The following CCL28 variants were observed in gnomAD, a reference collection of about 807,000 sequenced individuals.
The protein encoded by CCL28 is C-C motif chemokine 28.
CCL28 carries 4 observed loss-of-function variants against 7.1 expected under a neutral mutation model. That is an observed-to-expected ratio of 0.56 (90% confidence interval 0.28 to 1.29). The LOEUF is 1.29. Among genes scored for constraint, CCL28 ranks in the 50% most tolerant of loss-of-function variants. The pLI, the probability that CCL28 is intolerant of heterozygous loss-of-function variation, is 0.11. For missense variants in CCL28, 151 were observed against 163.4 expected, an observed-to-expected ratio of 0.92 and a Z score of 0.41; for synonymous variants, 55 against 57.8, an observed-to-expected ratio of 0.95 and a Z score of 0.22.
chr5:43,395,972 C>T (rs1428748598), intron 1 of CCL28, among the ~76,000 whole-genome samples: 2 of 150,402 alleles, frequency 1.3e-5, no homozygotes, highest in African/African-American at 4.9e-5. Flanking sequence ...CCCAGGTTCA[C>T]GCCATTCTCC....
chr5:43,368,729 G>A, the CCL28 span, among the ~76,000 whole-genome samples: 3 of 152,198 alleles, frequency 2.0e-5, no homozygotes, highest in East Asian at 5.8e-4. Context: ...CACAGAAATG[G>A]ACACATGTTG....
intron 1 of CCL28, among the ~76,000 whole-genome samples, chr5:43,404,242 T>TAAG (rs1388922192): frequency 3.9e-5 from 6 of 152,156 alleles, no homozygotes; most frequent in Non-Finnish European, 8.8e-5. Context: ...GAAAAAATGT[T>TAAG]AAGGGCAGCC....
chr5:43,404,324 A>C (rs1327833497), intron 1 of CCL28, among the ~76,000 whole-genome samples: 1 of 152,222 alleles, frequency 6.6e-6, no homozygotes, highest in Non-Finnish European at 1.5e-5. Context: ...CAGAAACTCT[A>C]CAAGCCAGAA....
downstream of CCL28, among the ~76,000 whole-genome samples, chr5:43,371,714 A>C (rs578045390): frequency 9.2e-5 from 14 of 152,240 alleles, no homozygotes; most frequent in African/African-American, 2.6e-4. Flanking sequence ...CAGCTGAGCC[A>C]CTCCCAAATT....
At chr5:43,402,999 A>G (rs1307740348) in intron 1 of CCL28, among the ~76,000 whole-genome samples, 1 of 152,180 alleles carries the variant, frequency 6.6e-6, no homozygotes, top group Non-Finnish European at 1.5e-5. Context: ...GAATAGGTAA[A>G]CAAAATGGCC....
At chr5:43,402,325 T>C (rs1349652477) in intron 1 of CCL28, among the ~76,000 whole-genome samples, 1 of 152,200 alleles carries the variant, frequency 6.6e-6, no homozygotes, top group Non-Finnish European at 1.5e-5. Flanking sequence ...TTCTGTCTCC[T>C]AATAGGACCT....
rs188104422 is a variant in CCL28 at position 43,405,724 on chromosome 5, G to C, written c.64+6529C>G. Among the ~76,000 whole-genome samples, 49 of 150,832 alleles carry C rather than the reference G, an allele frequency of 3.2e-4. 1 individual carries two copies. The highest frequency in any genetic ancestry group is 3.4e-3 in the Middle Eastern group (1 of 294). On this transcript the variant is annotated intron_variant, in intron 1 of 2. Transcript: ENST00000361115. ...AATCCAGGAGCTGGTTTTTTGAAAA[G>C]ATCAACAAAATTGATAGACCACTAG...
intron 1 of CCL28, among the ~76,000 whole-genome samples, chr5:43,409,552 T>G (rs888885507): frequency 1.3e-5 from 2 of 151,986 alleles, no homozygotes; most frequent in Admixed American, 1.3e-4. Context: ...GAGTCACAAA[T>G]GTATATTCGT....
intron 2 of CCL28, among the ~76,000 whole-genome samples, chr5:43,385,038 A>C (rs1740280622): frequency 6.6e-6 from 1 of 152,052 alleles, no homozygotes; most frequent in African/African-American, 2.4e-5. Flanking sequence ...CTGGGACTAC[A>C]GGTGCCTGCC....
chr5:43,404,265 C>T (rs1329976731), intron 1 of CCL28, among the ~76,000 whole-genome samples: 6 of 152,176 alleles, frequency 3.9e-5, no homozygotes, highest in Middle Eastern at 3.2e-3. Context: ...AGAGAAAGGT[C>T]GGGTTACCCA....
At chr5:43,359,988 C>T in the CCL28 span, among the ~76,000 whole-genome samples, 1 of 152,080 alleles carries the variant, frequency 6.6e-6, no homozygotes, top group South Asian at 2.1e-4. Flanking sequence ...TCCATAAAAA[C>T]TCAGGATTCA....
chr5:43,375,477 A>AAC (rs1739872396), downstream of CCL28, among the ~76,000 whole-genome samples: 4 of 148,518 alleles, frequency 2.7e-5, no homozygotes, highest in Admixed American at 2.0e-4. Context: ...AAAAAAAAAA[A>AAC]AAAAAAAAGC....
chr5:43,357,903 C>A, the CCL28 span, among the ~76,000 whole-genome samples: 1 of 152,182 alleles, frequency 6.6e-6, no homozygotes, highest in Non-Finnish European at 1.5e-5. Flanking sequence ...TGTGACACTC[C>A]CACCTCCACC....
chr5:43,404,572 C>T (rs1393426711), intron 1 of CCL28, among the ~76,000 whole-genome samples: 5 of 152,142 alleles, frequency 3.3e-5, no homozygotes, highest in Non-Finnish European at 7.4e-5. Context: ...TTGTAAAGAC[C>T]ATCGATGCTA....
At chr5:43,368,419 G>A in the CCL28 span, among the ~76,000 whole-genome samples, 1 of 152,128 alleles carries the variant, frequency 6.6e-6, no homozygotes, top group Non-Finnish European at 1.5e-5. Context: ...TTTCTCTTGA[G>A]GTTGGATGGT....
At chr5:43,374,362 C>G (rs1739841342), downstream of CCL28, among the ~76,000 whole-genome samples, 1 of 152,152 alleles carries the variant, frequency 6.6e-6, no homozygotes, top group South Asian at 2.1e-4. Context: ...TGGAGTCACC[C>G]ACATTTACCA....
At chr5:43,386,221 T>C (rs1314253907) in intron 2 of CCL28, among the ~76,000 whole-genome samples, 1 of 152,250 alleles carries the variant, frequency 6.6e-6, no homozygotes, top group Non-Finnish European at 1.5e-5. Flanking sequence ...TAGAGCATTG[T>C]CTATCCACGC....
intron 1 of CCL28, among the ~76,000 whole-genome samples, chr5:43,389,821 C>T (rs975923964): frequency 3.3e-5 from 5 of 152,120 alleles, no homozygotes; most frequent in Non-Finnish European, 7.4e-5. Flanking sequence ...TAGTGCCCTC[C>T]AGAGGAAGCA....
At chr5:43,383,458 G>A (rs536504761) in intron 2 of CCL28, among the ~76,000 whole-genome samples, 9 of 152,092 alleles carry the variant, frequency 5.9e-5, no homozygotes, top group Non-Finnish European at 1.2e-4. Flanking sequence ...GGGGAGAATC[G>A]GGGGAAAGTT....
Sources: allele counts gnomAD v4.1 joint callset (sites outside exome capture counted in the v4.1 genomes callset), GRCh38; gene constraint gnomAD v4.1.1; transcripts MANE v1.5; gene names NCBI Gene and HGNC (gene_info 2026-07-23, HGNC 2026-07-21).